Variants in TMEM220 observed in about 807,000 individuals in gnomAD.
TMEM220 encodes the protein transmembrane protein 220.
A neutral mutation model predicts 21.7 loss-of-function variants in TMEM220; 21 were observed. That is an observed-to-expected ratio of 0.97 (90% CI 0.69 to 1.39). The LOEUF (loss-of-function observed/expected upper bound fraction) is 1.39, where lower values mean the gene tolerates loss of function less well. TMEM220 is among the 40% of genes most tolerant of loss of function. The probability of loss-of-function intolerance (pLI) is 0.00; values close to 1 mark genes in which losing one functional copy is unlikely to be tolerated. For missense variants in TMEM220, 191 were observed against 201.9 expected, an observed-to-expected ratio of 0.95 and a Z score of 0.33; for synonymous variants, 80 against 73.6, an observed-to-expected ratio of 1.09 and a Z score of -0.45.
At position 10,713,443 on chromosome 17, in the gene TMEM220, G is replaced by A. The variant is rs1476218555; in HGVS notation, c.*2010C>T. The A allele has an allele frequency of 6.6e-6, 1 of 152,082 alleles. No homozygotes were observed. The highest frequency in any genetic ancestry group is 2.4e-5 in the African/African-American group (1 of 41,408). The allele number at this position is 152,082 out of a possible 1,614,324, so 9.4% of individuals were successfully genotyped here. A position where few individuals can be genotyped will look rare whatever the true frequency, so the allele number is the denominator to read the frequency against. On this transcript the variant is annotated 3_prime_UTR_variant, in exon 6 of 6. Transcript: ENST00000341871. Reference sequence around the variant, plus strand: ...GTCACATAATTTCGTAGTCTGATATGGGAGAGGCATACATGATGAAAGCAC... The same window carrying A: ...GTCACATAATTTCGTAGTCTGATATAGGAGAGGCATACATGATGAAAGCAC...
At chr17:10,725,737 A>G (rs2075042099) in intron 3 of TMEM220, among the ~76,000 whole-genome samples, 1 of 152,182 alleles carries the variant, frequency 6.6e-6, no homozygotes, top group Non-Finnish European at 1.5e-5. Context: ...AACTGTACCA[A>G]TACCTTTTCT....
At chr17:10,716,276 G>A (rs990146889) in intron 5 of TMEM220, 2 of 697,620 alleles carry the variant, frequency 2.9e-6, no homozygotes, top group Non-Finnish European at 5.3e-6. Context: ...TCTCGGTTGG[G>A]AGGAGGCCAT....
rs1343473865 is a variant in TMEM220 at position 10,713,338 on chromosome 17, C to T, written c.*2115G>A. ...TAATAATAATACTTAAATTCAATTT[C>T]ATTAATACTCTTCAAAAGACTATTC... is the stretch of plus-strand genomic sequence containing the variant. On this transcript the variant is annotated 3_prime_UTR_variant, in exon 6 of 6. Coordinates refer to ENST00000341871, the MANE Select transcript of TMEM220 (RefSeq NM_001004313.3). 1 of 151,096 alleles carries T rather than the reference C, an allele frequency of 6.6e-6. No homozygotes were observed. Among genetic ancestry groups the T allele is most frequent in the Admixed American group, 6.6e-5 (1 of 15,172 alleles). The allele number at this position is 151,096 out of a possible 1,614,324, so 9.4% of individuals were successfully genotyped here.
chr17:10,717,474 G>A (rs921780223), intron 5 of TMEM220, among the ~76,000 whole-genome samples: 1 of 152,128 alleles, frequency 6.6e-6, no homozygotes. Context: ...GAAAACATTG[G>A]TTGGTTTTTG....
intron 5 of TMEM220, among the ~76,000 whole-genome samples, chr17:10,721,649 A>G: frequency 6.9e-6 from 1 of 144,766 alleles, no homozygotes; most frequent in African/African-American, 2.7e-5. Context: ...AAAAAAAAAT[A>G]GTTTGGCAGT....
At chr17:10,722,541 T>C (rs534542537) in intron 5 of TMEM220, among the ~76,000 whole-genome samples, 1 of 152,362 alleles carries the variant, frequency 6.6e-6, no homozygotes, top group East Asian at 1.9e-4. Flanking sequence ...CAAAGTTTAA[T>C]ATAAATGGAT....
downstream of TMEM220, among the ~76,000 whole-genome samples, chr17:10,711,797 C>T (rs931635296): frequency 1.3e-5 from 2 of 152,334 alleles, no homozygotes; most frequent in South Asian, 2.1e-4. Flanking sequence ...AATAAATTTA[C>T]ACTGACTCCC....
At chr17:10,716,770 T>C (rs2074927488) in intron 5 of TMEM220, among the ~76,000 whole-genome samples, 1 of 152,242 alleles carries the variant, frequency 6.6e-6, no homozygotes, top group Non-Finnish European at 1.5e-5. Context: ...CCTACATATG[T>C]ATAGATCCGT....
rs141429403 is a variant in TMEM220, at chr17:10,723,231, G to A, written c.347+39C>T. On this transcript the variant is annotated intron_variant, in intron 5 of 5. Coordinates refer to ENST00000341871, the MANE Select transcript of TMEM220 (RefSeq NM_001004313.3). ...CCTGACCTCGTGATCTGCCCGCCTCGGCCTCCCAAAGTGAAGATGTGATGA... is the reference window on the plus strand; with the variant it reads ...CCTGACCTCGTGATCTGCCCGCCTCAGCCTCCCAAAGTGAAGATGTGATGA... The A allele has an allele frequency of 1.6e-3, 2,558 of 1,586,008 alleles. 29 individuals carry two copies. The African/African-American group carries it at 0.029, about 18-fold the overall frequency.
intron 4 of TMEM220, among the ~76,000 whole-genome samples, chr17:10,723,556 G>A (rs746282610): frequency 6.6e-6 from 1 of 152,114 alleles, no homozygotes; most frequent in South Asian, 2.1e-4. Flanking sequence ...TAAAAGGCAG[G>A]TATGAGATCC....
intron 3 of TMEM220, among the ~76,000 whole-genome samples, chr17:10,725,570 C>T (rs182440956): frequency 9.9e-5 from 15 of 152,284 alleles, no homozygotes; most frequent in African/African-American, 3.1e-4. Context: ...TTCCACTGGA[C>T]GTGGCATCGT....
intron 4 of TMEM220, 30 bp downstream of exon 4, chr17:10,724,981 T>C (rs759342658): frequency 1.9e-6 from 3 of 1,613,770 alleles, no homozygotes; most frequent in Non-Finnish European, 2.5e-6. Context: ...CACAGTTCTA[T>C]CCCTCCACAG....
rs1195876989 is a variant in TMEM220 at position 10,714,194 on chromosome 17, TAA to T, written c.*1257_*1258del. The stretch of plus-strand genomic sequence containing the variant: ...TTCTGTTCTTTTTCTACCATGTCTT[TAA>T]AATCCAGTGTATTTTACATTTATAG... On this transcript the variant is annotated 3_prime_UTR_variant, in exon 6 of 6. Coordinates refer to ENST00000341871, the MANE Select transcript of TMEM220 (RefSeq NM_001004313.3). 6 of 152,248 alleles carry T rather than the reference TAA, an allele frequency of 3.9e-5. No individual in the cohort carries two copies. Among genetic ancestry groups the T allele is most frequent in the Non-Finnish European group, 8.8e-5 (6 of 68,048 alleles). The allele number at this position is 152,248 out of a possible 1,614,324, so 9.4% of individuals were successfully genotyped here.
At chr17:10,726,700 G>C (rs1037437869) in intron 2 of TMEM220, among the ~76,000 whole-genome samples, 1 of 152,228 alleles carries the variant, frequency 6.6e-6, no homozygotes, top group African/African-American at 2.4e-5. Flanking sequence ...ATCCAGGCCA[G>C]TACTGCATCT....
chr17:10,720,446 T>C (rs447676), intron 5 of TMEM220, among the ~76,000 whole-genome samples: 77,276 of 151,924 alleles, frequency 0.51, 20,375 homozygotes, highest in African/African-American at 0.65. Flanking sequence ...ACACTGCCAG[T>C]TACCTTAGAT....
At chr17:10,723,729 G>C (rs1485748954) in intron 4 of TMEM220, among the ~76,000 whole-genome samples, 1 of 151,948 alleles carries the variant, frequency 6.6e-6, no homozygotes, top group African/African-American at 2.4e-5. Flanking sequence ...AGAGGCTTCA[G>C]TGTGAGGCAG....
intron 5 of TMEM220, chr17:10,716,571 G>T (rs2151470770): frequency 1.9e-6 from 1 of 532,070 alleles, no homozygotes; most frequent in Non-Finnish European, 3.7e-6. Flanking sequence ...ACCGCGGTCT[G>T]CACCCAACAC....
Position 10,729,855 on chromosome 17 carries a change from T to C in TMEM220, c.-4A>G. On this transcript the variant is annotated 5_prime_UTR_variant, in exon 1 of 6. Coordinates refer to ENST00000341871, the MANE Select transcript of TMEM220 (RefSeq NM_001004313.3). ...CCCGCCACAGCGCTGGCGCCATGGC[T>C]CGGAGAACACGGCGCGGGGCGGTGA... 4.5e-6 allele frequency: 6 copies of C among 1,339,200 alleles called. No individual in the cohort carries two copies. Among genetic ancestry groups the C allele is most frequent in the Non-Finnish European group, 5.8e-6 (6 of 1,040,882 alleles). The allele number at this position is 1,339,200 out of a possible 1,614,324, so 83.0% of individuals were successfully genotyped here.
chr17:10,729,264 A>G (rs1892279230), intron 1 of TMEM220, among the ~76,000 whole-genome samples: 1 of 152,210 alleles, frequency 6.6e-6, no homozygotes, highest in South Asian at 2.1e-4. Context: ...TTTAACAGGC[A>G]GCCACACATT....
Sources: allele counts gnomAD v4.1 joint callset (sites outside exome capture counted in the v4.1 genomes callset), GRCh38; gene constraint gnomAD v4.1.1; transcripts MANE v1.5; gene names NCBI Gene and HGNC (gene_info 2026-07-23, HGNC 2026-07-21).